Variants in GAD2 observed in about 807,000 individuals in gnomAD.
The protein encoded by GAD2 is glutamate decarboxylase 2.
GAD2 carries 22 observed loss-of-function variants against 80.1 expected under a neutral mutation model. The observed-to-expected ratio is 0.27, with a 90% CI of 0.20 to 0.39. The LOEUF is 0.39. GAD2 is among the 10% of genes least tolerant of loss of function. GAD2 has a pLI of 1.00. For synonymous variants in GAD2, 274 were observed against 256.9 expected, an observed-to-expected ratio of 1.07 and a Z score of -0.64; for missense variants, 624 against 738.4, an observed-to-expected ratio of 0.85 and a Z score of 1.80.
chr10:26,295,300 A>C (rs889189793), intron 15 of GAD2, among the ~76,000 whole-genome samples: 1 of 152,186 alleles, frequency 6.6e-6, no homozygotes, highest in African/African-American at 2.4e-5. Context: ...TGCAGAATGA[A>C]TTCTCCTGAT....
intron 7 of GAD2, among the ~76,000 whole-genome samples, chr10:26,240,323 C>A (rs1844724510): frequency 6.6e-6 from 1 of 152,202 alleles, no homozygotes; most frequent in South Asian, 2.1e-4. Context: ...GCTGAATATT[C>A]TCATCCCACT....
At chr10:26,268,467 CAAAAAAA>C (rs398045927) in intron 8 of GAD2, among the ~76,000 whole-genome samples, 1 of 93,628 alleles carries the variant, frequency 1.1e-5, no homozygotes, top group African/African-American at 3.3e-5. Context: ...GACTCTGTCT[CAAAAAAA>C]AAAAAAAAAA....
chr10:26,223,869 G>T lies in GAD2; in HGVS notation c.521-18G>T. 2 of 1,515,510 alleles carry T rather than the reference G, an allele frequency of 1.3e-6. No individual in the cohort carries two copies. Among genetic ancestry groups the T allele is most frequent in the African/African-American group, 1.4e-5 (1 of 71,370 alleles). The allele number at this position is 1,515,510 out of a possible 1,614,324, so 93.9% of individuals were successfully genotyped here. A position where few individuals can be genotyped will look rare whatever the true frequency, so the allele number is the denominator to read the frequency against. On this transcript the variant is annotated intron_variant, in intron 4 of 15. Coordinates refer to ENST00000376261, the MANE Select transcript of GAD2 (RefSeq NM_001134366.2). ...TTCACTGGAGGCAATCCTGATTCTG[G>T]TATTCCATTTTATTCAGGGCATCCT...
intron 8 of GAD2, among the ~76,000 whole-genome samples, chr10:26,251,145 A>C (rs1461948984): frequency 2.8e-5 from 4 of 144,150 alleles, no homozygotes; most frequent in Non-Finnish European, 6.0e-5. Flanking sequence ...TGATCCACCC[A>C]CCTCGGCCTC....
intron 9 of GAD2, 140 bp from the exon 10 acceptor site, chr10:26,270,500 C>T (rs1354720891): frequency 1.4e-5 from 10 of 703,250 alleles, no homozygotes; most frequent in African/African-American, 5.3e-5. Context: ...TCCCAGACCC[C>T]GGGGTGTCAG....
chr10:26,248,651 T>G (rs1844839825), intron 8 of GAD2, among the ~76,000 whole-genome samples: 1 of 152,314 alleles, frequency 6.6e-6, no homozygotes, highest in South Asian at 2.1e-4. Context: ...TCCCTTTATT[T>G]TCACACTTAG....
At position 26,301,214 on chromosome 10, in the gene GAD2, A is replaced by G; in HGVS notation, c.*253A>G. ...AAGGAAAAGCTTAAAATTGTTATAAATACTTCCCTTACTTTTAATATAGTG... is the reference window on the plus strand; with the variant it reads ...AAGGAAAAGCTTAAAATTGTTATAAGTACTTCCCTTACTTTTAATATAGTG... On this transcript the variant is annotated 3_prime_UTR_variant, in exon 16 of 16. Transcript: ENST00000376261. 2.5e-6 allele frequency: 1 copy of G among 403,338 alleles called. No homozygotes were observed. Among genetic ancestry groups the G allele is most frequent in the Non-Finnish European group, 4.6e-6 (1 of 218,966 alleles). The allele number at this position is 403,338 out of a possible 1,614,324, so 25.0% of individuals were successfully genotyped here.
At position 26,301,502 on chromosome 10, in the gene GAD2, CAT is replaced by C. The variant is rs1390779294; in HGVS notation, c.*545_*546del. Reference sequence around the variant, plus strand: ...TTAAAAAAGATATCCTATTTTGTAACATATAGATTTTTATTTTATATAGGTTA... The same window carrying C: ...TTAAAAAAGATATCCTATTTTGTAACATAGATTTTTATTTTATATAGGTTA... On this transcript the variant is annotated 3_prime_UTR_variant, in exon 16 of 16. Transcript: ENST00000376261. 2 of 151,884 alleles carry C rather than the reference CAT, an allele frequency of 1.3e-5. No homozygotes were observed. Among genetic ancestry groups the C allele is most frequent in the African/African-American group, 4.8e-5 (2 of 41,374 alleles). The allele number at this position is 151,884 out of a possible 1,614,324, so 9.4% of individuals were successfully genotyped here.
At chr10:26,238,921 A>G (rs74129129) in intron 7 of GAD2, among the ~76,000 whole-genome samples, 15,123 of 150,152 alleles carry the variant, frequency 0.1, 2,492 homozygotes, top group African/African-American at 0.34. Flanking sequence ...TGTCAGAAGG[A>G]TGTGAAGGAG....
intron 7 of GAD2, among the ~76,000 whole-genome samples, chr10:26,244,543 T>C (rs931500976): frequency 7.2e-5 from 11 of 152,342 alleles, no homozygotes; most frequent in African/African-American, 2.6e-4. Context: ...TAGAATGTCA[T>C]TCAGCCTTAA....
chr10:26,218,367 T>C (rs895395028), intron 3 of GAD2: 2 of 192,172 alleles, frequency 1.0e-5, no homozygotes, highest in African/African-American at 2.3e-5. Flanking sequence ...GAATTCAGAA[T>C]TGCATTTTTT....
chr10:26,296,389 G>A (rs908374561), intron 15 of GAD2, among the ~76,000 whole-genome samples: 3 of 152,178 alleles, frequency 2.0e-5, no homozygotes, highest in African/African-American at 7.2e-5. Flanking sequence ...TTTTTCCAGA[G>A]TGCACTATTT....
intron 15 of GAD2, among the ~76,000 whole-genome samples, chr10:26,294,519 G>A (rs1342003782): frequency 1.3e-5 from 2 of 152,306 alleles, no homozygotes; most frequent in South Asian, 2.1e-4. Context: ...GTCTCACCCT[G>A]AAAATGTAAT....
chr10:26,247,722 CCT>C (rs1410717093), intron 8 of GAD2, among the ~76,000 whole-genome samples: 1 of 151,582 alleles, frequency 6.6e-6, no homozygotes, highest in African/African-American at 2.4e-5. Flanking sequence ...ATGGTGAAAC[CCT>C]GTCTCTACTA....
chr10:26,216,610 C>G, upstream of GAD2: 3 of 445,142 alleles, frequency 6.7e-6, no homozygotes, highest in South Asian at 1.1e-4. This position sits in a 1 kb window ranked among gnomAD's most constrained non-coding sequence, Gnocchi z 4.7. Context: ...TAAACCCTGT[C>G]TCCAGCTCGC....
chr10:26,252,856 C>G (rs187383749), intron 8 of GAD2, among the ~76,000 whole-genome samples: 1 of 151,978 alleles, frequency 6.6e-6, no homozygotes, highest in Non-Finnish European at 1.5e-5. Context: ...TGGGGTTTCT[C>G]CATGCTGGTC....
At chr10:26,253,802 T>C (rs1221408166) in intron 8 of GAD2, among the ~76,000 whole-genome samples, 1 of 152,188 alleles carries the variant, frequency 6.6e-6, no homozygotes, top group Non-Finnish European at 1.5e-5. Context: ...GGAAGGATTA[T>C]GGGAGTCATC....
At chr10:26,219,020 G>A (rs1210028855) in intron 3 of GAD2, 23 bp from the exon 4 acceptor site, 1 of 1,477,768 alleles carries the variant, frequency 6.8e-7, no homozygotes. Context: ...ATTAAAATGT[G>A]GCATTTTAAT....
chr10:26,232,351 C>A (rs1008736176), intron 7 of GAD2, among the ~76,000 whole-genome samples: 6 of 152,062 alleles, frequency 3.9e-5, no homozygotes, highest in African/African-American at 1.2e-4. Context: ...TGGGCATGAG[C>A]TTCTCAGCCT....
Sources: allele counts gnomAD v4.1 joint callset (sites outside exome capture counted in the v4.1 genomes callset), GRCh38; gene constraint gnomAD v4.1.1; non-coding constraint Gnocchi (gnomAD v3.1); transcripts MANE v1.5; gene names NCBI Gene and HGNC (gene_info 2026-07-23, HGNC 2026-07-21).